Variants in CGNL1 observed in about 807,000 individuals in gnomAD.
CGNL1 encodes cingulin-like protein 1.
CGNL1 carries 132 observed loss-of-function variants against 141.2 expected under a neutral mutation model. The ratio of observed to expected loss-of-function variants is 0.93; its 90% confidence interval spans 0.81 to 1.08. The LOEUF (loss-of-function observed/expected upper bound fraction) is 1.08. CGNL1 is among the 50% of genes least tolerant of loss of function. CGNL1 has a pLI of 0.00. For missense variants in CGNL1, 1,870 were observed against 1,588.6 expected (o/e 1.18, Z -3.01); for synonymous variants, 690 against 622.1 (o/e 1.11, Z -1.63).
At chr15:57,498,343 G>A (rs898445410) in intron 8 of CGNL1, among the ~76,000 whole-genome samples, 47 of 128,300 alleles carry the variant, frequency 3.7e-4, no homozygotes, top group East Asian at 5.0e-4. Context: ...TCAATCTCCC[G>A]GGCTCAAGCG....
intron 12 of CGNL1, chr15:57,527,605 G>A (rs2031692609): frequency 6.6e-6 from 1 of 152,270 alleles, no homozygotes; most frequent in Non-Finnish European, 1.5e-5. Context: ...GGAGCTTCTA[G>A]AGAAGTTCAA....
At chr15:57,413,225 C>CTCTTCCTCTCTTCCTCTCTT (rs1490914509) in intron 1 of CGNL1, among the ~76,000 whole-genome samples, 1 of 126,012 alleles carries the variant, frequency 7.9e-6, no homozygotes, top group African/African-American at 3.0e-5. Flanking sequence ...CTCTCTTCCT[C>CTCTTCCTCTCTTCCTCTCTT]CCTCCCTCCC....
At chr15:57,387,570 C>A (rs1008089578) in intron 1 of CGNL1, among the ~76,000 whole-genome samples, 1 of 152,068 alleles carries the variant, frequency 6.6e-6, no homozygotes, top group African/African-American at 2.4e-5. Context: ...ACATAGGGGC[C>A]CTGAGTGGTG....
chr15:57,382,766 G>A (rs2062438072), intron 1 of CGNL1, among the ~76,000 whole-genome samples: 1 of 152,184 alleles, frequency 6.6e-6, no homozygotes, highest in Admixed American at 6.5e-5. Flanking sequence ...GGACTATCCA[G>A]GAATCCTGTG....
chr15:57,417,133 C>T lies in CGNL1; in HGVS notation c.-15-20852C>T, dbSNP rs183139196. Among the ~76,000 whole-genome samples the T allele has an allele frequency of 9.2e-5, 14 of 152,266 alleles. No homozygotes were observed. In the East Asian group the frequency reaches 2.7e-3, roughly 29 times the overall value. On this transcript the variant is annotated intron_variant, in intron 1 of 18. Transcript: ENST00000281282. The stretch of plus-strand genomic sequence containing the variant: ...AAGGTGTTTAACATAGTACTTAGCA[C>T]TTGGTAAATGCTCAGTATTATTTAT...
rs770069570 is a variant in CGNL1 at position 57,438,044 on chromosome 15, T to TG, written c.49dup (p.Val17GlyfsTer8). The TG allele has an allele frequency of 2.5e-6, 4 of 1,613,896 alleles. No individual in the cohort carries two copies. In the Admixed American group the frequency reaches 6.7e-5, roughly 27 times the overall value. On this transcript the variant is annotated frameshift_variant, in exon 2 of 19. Coordinates refer to ENST00000281282, the MANE Select transcript of CGNL1 (RefSeq NM_032866.5). LOFTEE classifies it high-confidence loss of function. ...AATATCAACATGTGCAGCAGGAATATGGGGTCCATCTGAGACTCGCAAGTG... is the reference window on the plus strand; with the variant it reads ...AATATCAACATGTGCAGCAGGAATATGGGGGTCCATCTGAGACTCGCAAGTG...
intron 8 of CGNL1, among the ~76,000 whole-genome samples, chr15:57,512,244 C>T (rs2030378485): frequency 6.6e-6 from 1 of 152,216 alleles, no homozygotes; most frequent in Non-Finnish European, 1.5e-5. Context: ...GAAGAACTTA[C>T]ATGTAGTACT....
intron 1 of CGNL1, among the ~76,000 whole-genome samples, chr15:57,399,962 C>A (rs1245884407): frequency 6.6e-6 from 1 of 151,638 alleles, no homozygotes; most frequent in African/African-American, 2.4e-5. Context: ...TTGTTCCTAC[C>A]CTAAATAGCT....
chr15:57,470,845 T>G (rs1332950779), intron 8 of CGNL1, among the ~76,000 whole-genome samples: 6 of 152,144 alleles, frequency 3.9e-5, no homozygotes, highest in African/African-American at 1.4e-4. Flanking sequence ...GTTTATTGCT[T>G]TAGGTGGCAA....
At chr15:57,452,064 T>C in intron 5 of CGNL1, 77 bp from the exon 6 acceptor site, 2 of 1,311,046 alleles carry the variant, frequency 1.5e-6, no homozygotes, top group Non-Finnish European at 2.1e-6. Context: ...TGGAGTCTGC[T>C]TGTTGAGAAG....
At chr15:57,458,070 A>G (rs1159330711) in intron 7 of CGNL1, among the ~76,000 whole-genome samples, 1 of 152,292 alleles carries the variant, frequency 6.6e-6, no homozygotes, top group Middle Eastern at 3.4e-3. Flanking sequence ...TTTATGAAGA[A>G]TAGTAATCTT....
intron 7 of CGNL1, 141 bp downstream of exon 7, chr15:57,453,959 G>A: frequency 1.2e-6 from 1 of 852,438 alleles, no homozygotes; most frequent in Non-Finnish European, 1.8e-6. Context: ...TGAGTCAGTG[G>A]ATGCGCTTGA....
chr15:57,473,899 C>CTTT (rs59761174), intron 8 of CGNL1, among the ~76,000 whole-genome samples: 353 of 70,638 alleles, frequency 5.0e-3, no homozygotes, highest in East Asian at 9.9e-3. Context: ...TCTTCTTCTT[C>CTTT]TTTTTTTTTT....
intron 1 of CGNL1, among the ~76,000 whole-genome samples, chr15:57,414,718 T>C (rs1229489605): frequency 6.6e-6 from 1 of 152,170 alleles, no homozygotes; most frequent in Non-Finnish European, 1.5e-5. Context: ...AAGATTTGCT[T>C]TCACGTCTCA....
intron 10 of CGNL1, among the ~76,000 whole-genome samples, chr15:57,519,321 T>G (rs1216043918): frequency 6.6e-6 from 1 of 152,162 alleles, no homozygotes; most frequent in African/African-American, 2.4e-5. Context: ...CCGGACCCAC[T>G]TGTAGTCAGG....
chr15:57,383,044 C>T (rs2062440625), intron 1 of CGNL1, among the ~76,000 whole-genome samples: 1 of 152,146 alleles, frequency 6.6e-6, no homozygotes. Flanking sequence ...TGGTTTTTAT[C>T]TTCCTTTCTA....
At chr15:57,430,321 C>A (rs1328276968) in intron 1 of CGNL1, among the ~76,000 whole-genome samples, 1 of 152,128 alleles carries the variant, frequency 6.6e-6, no homozygotes, top group African/African-American at 2.4e-5. Flanking sequence ...CTTAAACTTT[C>A]GTAGCTTAGC....
chr15:57,493,314 T>G (rs1057350539), intron 8 of CGNL1, among the ~76,000 whole-genome samples: 3 of 152,170 alleles, frequency 2.0e-5, no homozygotes, highest in African/African-American at 7.2e-5. Context: ...ACAGGGTTAC[T>G]AGGCAAGGAG....
Position 57,461,867 on chromosome 15 carries a change from G to C in CGNL1, c.2378G>C (p.Arg793Thr), listed in dbSNP as rs2063451675. The change falls in exon 8 of 19, where the codon AGG becomes ACG. Residue 793 changes from arginine to threonine, a missense_variant. Arg to Thr is a moderately conservative substitution (Grantham distance 71). Coordinates refer to ENST00000281282, the MANE Select transcript of CGNL1 (RefSeq NM_032866.5). ...TATGATGCTGAGTTGCAGGCCCTGA[G>C]GGAGAGTGTGGAAGAAGCAACCAAG... ...EQYDAELQAL[R>T]ESVEEATKNV... 2 of 1,613,800 alleles carry C rather than the reference G, an allele frequency of 1.2e-6. No individual in the cohort carries two copies. Among genetic ancestry groups the C allele is most frequent in the African/African-American group, 2.7e-5 (2 of 74,894 alleles).
Sources: gnomAD v4.1 joint callset for allele counts (sites outside exome capture counted in the v4.1 genomes callset) on GRCh38, gnomAD v4.1.1 for gene constraint, MANE v1.5 for transcripts, NCBI Gene and HGNC (gene_info 2026-07-23, HGNC 2026-07-21) for gene names.